Variants in ERAP1 observed in about 807,000 individuals in gnomAD.
The protein encoded by ERAP1 is adipocyte-derived leucine aminopeptidase.
A neutral mutation model predicts 103.7 loss-of-function variants in ERAP1; 86 were observed. That is an observed-to-expected ratio of 0.83 (90% CI 0.70 to 0.99). The LOEUF (loss-of-function observed/expected upper bound fraction) is 0.99. Among genes scored for constraint, ERAP1 ranks in the 50% least tolerant of loss-of-function variants. The probability of loss-of-function intolerance (pLI) is 0.00; values close to 1 mark genes in which losing one functional copy is unlikely to be tolerated. For missense variants in ERAP1, 1,009 were observed against 1,128.4 expected (o/e 0.89, Z 1.52); for synonymous variants, 398 against 402.4 (o/e 0.99, Z 0.13).
the ERAP1 span, among the ~76,000 whole-genome samples, chr5:96,866,833 AAAT>A: frequency 8.5e-5 from 13 of 152,250 alleles, no homozygotes; most frequent in East Asian, 1.9e-3. Flanking sequence ...TTTACTCTAT[AAAT>A]AAACCATTCT....
chr5:96,819,305 C>T, the ERAP1 span, among the ~76,000 whole-genome samples: 2 of 152,220 alleles, frequency 1.3e-5, no homozygotes, highest in Non-Finnish European at 2.9e-5. Context: ...TCTCTAAGAA[C>T]AGCTTCATTT....
At chr5:96,859,442 G>A in the ERAP1 span, among the ~76,000 whole-genome samples, 1 of 152,060 alleles carries the variant, frequency 6.6e-6, no homozygotes, top group African/African-American at 2.4e-5. Flanking sequence ...TTTGTGCTGG[G>A]ATACTAGATT....
At chr5:96,923,036 C>T in the ERAP1 span, among the ~76,000 whole-genome samples, 1 of 152,044 alleles carries the variant, frequency 6.6e-6, no homozygotes, top group Non-Finnish European at 1.5e-5. Flanking sequence ...TGGAGTGTCA[C>T]GATCGTAGCT....
rs3842059 is a variant in ERAP1, at chr5:96,797,327, CA to C, written c.664-19del. 81,763 of 1,612,406 alleles carry C rather than the reference CA, an allele frequency of 0.051. 3,071 individuals are homozygous for C. Among genetic ancestry groups the C allele is most frequent in the East Asian group, 0.18 (8,015 of 44,854 alleles). On this transcript the variant is annotated intron_variant, in intron 3 of 18. Transcript: ENST00000443439. ...GATTTCACCTAAAATCAGAATAATT[CA>C]AATTATCAAGTAATCCAATTATCCA...
intron 18 of ERAP1, chr5:96,779,217 CTGTT>C (rs1391976045): frequency 6.6e-6 from 1 of 152,220 alleles, no homozygotes; most frequent in African/African-American, 2.4e-5. Flanking sequence ...TTTTGTCTGT[CTGTT>C]CACTGTTACA....
chr5:96,838,703 T>C, the ERAP1 span, among the ~76,000 whole-genome samples: 1 of 152,150 alleles, frequency 6.6e-6, no homozygotes, highest in African/African-American at 2.4e-5. Flanking sequence ...CTTAACACCA[T>C]GCAAGAAGCC....
chr5:96,771,496 T>A (rs975553909), downstream of ERAP1: 50 of 577,712 alleles, frequency 8.7e-5, no homozygotes, highest in African/African-American at 1.1e-4. Context: ...ACTCACAATA[T>A]TGTGGCCAGA....
the ERAP1 span, among the ~76,000 whole-genome samples, chr5:96,920,760 A>T: frequency 1.3e-5 from 2 of 152,200 alleles, no homozygotes; most frequent in Non-Finnish European, 1.5e-5. Context: ...CCAATCATGC[A>T]CTTGGTTGTC....
At chr5:96,871,437 A>G in the ERAP1 span, among the ~76,000 whole-genome samples, 2 of 152,192 alleles carry the variant, frequency 1.3e-5, no homozygotes, top group Admixed American at 1.3e-4. Flanking sequence ...CTTTTAGTTA[A>G]ATTTTTAAGT....
the ERAP1 span, among the ~76,000 whole-genome samples, chr5:96,832,417 A>T: frequency 1.3e-5 from 2 of 152,222 alleles, no homozygotes; most frequent in African/African-American, 2.4e-5. Flanking sequence ...ACCAAGTCGA[A>T]TATTTTGGAA....
intron 2 of ERAP1, among the ~76,000 whole-genome samples, chr5:96,802,438 T>C (rs1257324640): frequency 2.6e-5 from 4 of 152,010 alleles, no homozygotes; most frequent in Non-Finnish European, 5.9e-5. Flanking sequence ...AATATTCCAG[T>C]GAAATAGAAG....
chr5:96,802,733 A>C lies in ERAP1; in HGVS notation c.524+670T>G, dbSNP rs140119776. ...CTAACCTGTAGTATCTGTGCATGTG[A>C]CCTTATTTGGACATAGGGTCTTTAC... On this transcript the variant is annotated intron_variant, in intron 2 of 18. Transcript: ENST00000443439. Among the ~76,000 whole-genome samples, 845 of 152,240 alleles carry C rather than the reference A, an allele frequency of 5.6e-3. 7 individuals are homozygous for C. Among genetic ancestry groups the C allele is most frequent in the African/African-American group, 0.019 (806 of 41,522 alleles).
Position 96,793,582 on chromosome 5 carries a change from G to A in ERAP1, c.1075-69C>T, listed in dbSNP as rs1300745418. On this transcript the variant is annotated intron_variant, in intron 6 of 18. Coordinates refer to ENST00000443439, the MANE Select transcript of ERAP1 (RefSeq NM_001040458.3). The stretch of plus-strand genomic sequence containing the variant: ...AGTATATTTTAGATGTCCAATATAA[G>A]TTTATGAATGTTAACATATATTTAC... 2.4e-6 allele frequency: 3 copies of A among 1,251,604 alleles called. No homozygotes were observed. In the African/African-American group the frequency reaches 4.5e-5, roughly 19 times the overall value. 77.5% of individuals were successfully genotyped at this position (1,251,604 alleles called of 1,614,324 possible).
At chr5:96,897,918 C>T in the ERAP1 span, among the ~76,000 whole-genome samples, 109 of 152,236 alleles carry the variant, frequency 7.2e-4, 1 homozygote, top group African/African-American at 2.5e-3. Flanking sequence ...CTTTCATGGC[C>T]GGGTACAATG....
At chr5:96,917,038 G>A in the ERAP1 span, among the ~76,000 whole-genome samples, 1 of 152,222 alleles carries the variant, frequency 6.6e-6, no homozygotes, top group Non-Finnish European at 1.5e-5. Context: ...GAGGTTGGCA[G>A]AGAAATGCCT....
At chr5:96,826,058 C>T in the ERAP1 span, among the ~76,000 whole-genome samples, 68 of 152,320 alleles carry the variant, frequency 4.5e-4, no homozygotes, top group Non-Finnish European at 1.2e-4. Context: ...ACCTGGCTTT[C>T]CTTCATTCCG....
At chr5:96,771,910 A>ATT (rs1772522658), downstream of ERAP1, 1 of 395,702 alleles carries the variant, frequency 2.5e-6, no homozygotes, top group Admixed American at 4.4e-5. Flanking sequence ...ATGTTTAAAA[A>ATT]CCTTAATCTT....
chr5:96,900,056 T>A, the ERAP1 span: 1 of 1,582,492 alleles, frequency 6.3e-7, no homozygotes, highest in Non-Finnish European at 8.7e-7. Flanking sequence ...CATCCATGGC[T>A]AATGTGCACG....
chr5:96,880,611 T>A, the ERAP1 span, among the ~76,000 whole-genome samples: 1 of 152,154 alleles, frequency 6.6e-6, no homozygotes, highest in African/African-American at 2.4e-5. Context: ...CAGAAGGAAA[T>A]GTAAGTGAGA....
Sources: allele counts gnomAD v4.1 joint callset (sites outside exome capture counted in the v4.1 genomes callset), GRCh38; gene constraint gnomAD v4.1.1; transcripts MANE v1.5; gene names NCBI Gene and HGNC (gene_info 2026-07-23, HGNC 2026-07-21).